Variants in LOC400499 observed in about 807,000 individuals in gnomAD.
the LOC400499 span, among the ~76,000 whole-genome samples, chr16:11,517,442 A>G: frequency 6.6e-6 from 1 of 152,184 alleles, no homozygotes; most frequent in African/African-American, 2.4e-5. Flanking sequence ...CCTCCCCTAC[A>G]GATCCCACCA....
At chr16:11,423,349 C>T in the LOC400499 span, 2 of 398,654 alleles carry the variant, frequency 5.0e-6, no homozygotes, top group Non-Finnish European at 4.4e-6. Flanking sequence ...ACCCCGCCAC[C>T]CTTTGGGGAA....
the LOC400499 span, among the ~76,000 whole-genome samples, chr16:11,496,778 G>C: frequency 6.6e-6 from 1 of 152,158 alleles, no homozygotes; most frequent in Admixed American, 6.5e-5. Flanking sequence ...GTCCCACTGG[G>C]TGAGTGTCCT....
the LOC400499 span, among the ~76,000 whole-genome samples, chr16:11,423,515 G>A: frequency 2.0e-5 from 3 of 152,252 alleles, no homozygotes; most frequent in Admixed American, 6.5e-5. Flanking sequence ...ACCATGGGAG[G>A]AGGTGGCAGA....
At chr16:11,479,027 T>C in the LOC400499 span, among the ~76,000 whole-genome samples, 1 of 152,216 alleles carries the variant, frequency 6.6e-6, no homozygotes, top group Non-Finnish European at 1.5e-5. Flanking sequence ...GTAAATCTAT[T>C]AAATTTCTTT....
chr16:11,469,707 T>C, the LOC400499 span: 2 of 398,856 alleles, frequency 5.0e-6, no homozygotes, highest in Non-Finnish European at 8.8e-6. Context: ...AGCCTCCACC[T>C]GTACCCTTCA....
the LOC400499 span, chr16:11,413,103 G>A: frequency 2.1e-4 from 85 of 396,090 alleles, no homozygotes; most frequent in African/African-American, 1.4e-3. Context: ...TCTCACAGGT[G>A]CTGAGGATAC....
the LOC400499 span, among the ~76,000 whole-genome samples, chr16:11,410,870 G>T: frequency 1.3e-5 from 2 of 152,362 alleles, no homozygotes; most frequent in South Asian, 2.1e-4. Flanking sequence ...GACCCCTCAA[G>T]TCCTGCATGC....
At chr16:11,475,549 T>C in the LOC400499 span, 1 of 398,134 alleles carries the variant, frequency 2.5e-6, no homozygotes, top group Non-Finnish European at 4.4e-6. Context: ...AACTCTGGGA[T>C]CTGGAGCTGG....
chr16:11,393,158 C>G, the LOC400499 span, among the ~76,000 whole-genome samples: 5 of 138,894 alleles, frequency 3.6e-5, no homozygotes, highest in Non-Finnish European at 6.3e-5. Flanking sequence ...CTGGCCACCC[C>G]CCCCCCTTTT....
At chr16:11,515,886 GC>G in the LOC400499 span, 13 of 19,514 alleles carry the variant, frequency 6.7e-4, no homozygotes, top group Admixed American at 1.4e-3. Context: ...GCCCAGCCCA[GC>G]CCAGCCTAGC....
At chr16:11,428,256 C>T in the LOC400499 span, among the ~76,000 whole-genome samples, 1 of 152,122 alleles carries the variant, frequency 6.6e-6, no homozygotes, top group African/African-American at 2.4e-5. Flanking sequence ...ACTGCAACCT[C>T]CACCTTCCAG....
the LOC400499 span, among the ~76,000 whole-genome samples, chr16:11,408,656 G>T: frequency 1.3e-5 from 2 of 151,780 alleles, no homozygotes; most frequent in Non-Finnish European, 2.9e-5. Context: ...TGTAGCAATG[G>T]GGTCTCCCTA....
the LOC400499 span, among the ~76,000 whole-genome samples, chr16:11,519,727 T>G: frequency 6.6e-6 from 1 of 150,478 alleles, no homozygotes; most frequent in Non-Finnish European, 1.5e-5. Flanking sequence ...TTTTTTGAGA[T>G]GGAGTTTTGC....
the LOC400499 span, among the ~76,000 whole-genome samples, chr16:11,420,360 C>T: frequency 6.8e-6 from 1 of 148,064 alleles, no homozygotes; most frequent in Admixed American, 6.9e-5. Context: ...AACCAAACAC[C>T]ACATGTTCTC....
At chr16:11,385,342 C>T in the LOC400499 span, 18 of 1,232,168 alleles carry the variant, frequency 1.5e-5, no homozygotes, top group South Asian at 1.6e-4. Flanking sequence ...AGGATGCTGC[C>T]GCACTGGGTG....
chr16:11,515,884 C>CCCCCCCCCCCCCCCCCCCA, the LOC400499 span: 4 of 40,204 alleles, frequency 9.9e-5, no homozygotes, highest in Non-Finnish European at 1.9e-4. Flanking sequence ...CAGCCCAGCC[C>CCCCCCCCCCCCCCCCCCCA]AGCCCAGCCT....
chr16:11,463,028 C>T, the LOC400499 span, among the ~76,000 whole-genome samples: 8 of 152,158 alleles, frequency 5.3e-5, no homozygotes, highest in Admixed American at 3.3e-4. Context: ...AATGATGGCA[C>T]ACTAGCCTTT....
At chr16:11,483,448 A>G in the LOC400499 span, among the ~76,000 whole-genome samples, 2,674 of 152,318 alleles carry the variant, frequency 0.018, 71 homozygotes, top group African/African-American at 0.061. Context: ...GTATATCTAT[A>G]CAATGGAATA....
chr16:11,443,001 C>G, the LOC400499 span, among the ~76,000 whole-genome samples: 2 of 152,076 alleles, frequency 1.3e-5, no homozygotes. Context: ...CCTGGTTCAC[C>G]CTCCTTCCCA....
Sources: gnomAD v4.1 joint callset for allele counts (sites outside exome capture counted in the v4.1 genomes callset) on GRCh38, gnomAD v4.1.1 for gene constraint, MANE v1.5 for transcripts.